The following MYO3A variants were observed in gnomAD, a reference collection of about 807,000 sequenced individuals.
MYO3A encodes the protein myosin IIIA, also known as myosin-IIIa.
A neutral mutation model predicts 192.7 loss-of-function variants in MYO3A; 180 were observed. The observed-to-expected ratio is 0.93, with a 90% CI of 0.83 to 1.06. MYO3A has a LOEUF of 1.06. Ranked by LOEUF, MYO3A falls within the 50% of genes least tolerant of loss-of-function variation. The pLI, the probability that MYO3A is intolerant of heterozygous loss-of-function variation, is 0.00. For missense variants in MYO3A, 1,896 were observed against 1,905.0 expected (o/e 1.00, Z 0.09); for synonymous variants, 628 against 645.3 (o/e 0.97, Z 0.41).
intron 10 of MYO3A, among the ~76,000 whole-genome samples, chr10:26,056,443 C>T (rs551104187): frequency 3.3e-5 from 5 of 152,232 alleles, no homozygotes; most frequent in Admixed American, 1.3e-4. Context: ...CCAAAGTTAA[C>T]GTCAAATACT....
At chr10:26,150,416 AAGTT>A (rs1840728948) in intron 23 of MYO3A, among the ~76,000 whole-genome samples, 1 of 152,160 alleles carries the variant, frequency 6.6e-6, no homozygotes, top group Admixed American at 6.5e-5. Context: ...ATTTCTTCCT[AAGTT>A]GCTTTGTAGA....
chr10:26,103,502 G>A (rs1295740971), intron 17 of MYO3A, among the ~76,000 whole-genome samples: 3 of 152,130 alleles, frequency 2.0e-5, no homozygotes, highest in African/African-American at 7.2e-5. Flanking sequence ...TTCCTATTCG[G>A]CCATCTTGGA....
intron 4 of MYO3A, among the ~76,000 whole-genome samples, chr10:25,983,341 C>T (rs556738119): frequency 1.4e-4 from 22 of 151,836 alleles, no homozygotes; most frequent in African/African-American, 3.9e-4. Context: ...CTGCAAGCTC[C>T]GCCTCCCGGG....
At chr10:26,111,876 C>A (rs1478706352) in intron 17 of MYO3A, among the ~76,000 whole-genome samples, 1 of 152,168 alleles carries the variant, frequency 6.6e-6, no homozygotes, top group Non-Finnish European at 1.5e-5. Flanking sequence ...CTGCTTGTGA[C>A]CAGGGGCTGG....
At chr10:26,209,199 C>T (rs1844110092) in intron 34 of MYO3A, among the ~76,000 whole-genome samples, 1 of 152,138 alleles carries the variant, frequency 6.6e-6, no homozygotes, top group Non-Finnish European at 1.5e-5. Context: ...ACCTTTCCAC[C>T]CTCCTAGCTA....
chr10:26,061,981 A>G (rs1041889521), intron 10 of MYO3A, among the ~76,000 whole-genome samples: 2 of 152,202 alleles, frequency 1.3e-5, no homozygotes, highest in Admixed American at 6.5e-5. Flanking sequence ...AGTAAATGAG[A>G]TGATACTTGT....
intron 4 of MYO3A, among the ~76,000 whole-genome samples, chr10:25,969,571 A>C (rs1276937663): frequency 6.6e-6 from 1 of 152,232 alleles, no homozygotes; most frequent in Non-Finnish European, 1.5e-5. Context: ...GTAAAAAATA[A>C]AATGAAGTAT....
At chr10:26,084,837 A>T (rs1256273285) in intron 14 of MYO3A, among the ~76,000 whole-genome samples, 1 of 152,220 alleles carries the variant, frequency 6.6e-6, no homozygotes, top group Non-Finnish European at 1.5e-5. Context: ...TTTAAGAAGT[A>T]TTGGTATTGA....
chr10:26,140,430 T>A (rs1840082454), intron 20 of MYO3A, among the ~76,000 whole-genome samples: 1 of 152,148 alleles, frequency 6.6e-6, no homozygotes, highest in Non-Finnish European at 1.5e-5. Flanking sequence ...ACGCCTGTAA[T>A]CCCAGCACTT....
chr10:26,024,911 T>A (rs182961013), intron 9 of MYO3A, among the ~76,000 whole-genome samples: 57 of 152,338 alleles, frequency 3.7e-4, no homozygotes, highest in African/African-American at 1.1e-3. Flanking sequence ...TGTTTTGACA[T>A]CTTTCTCTAT....
chr10:25,984,966 G>A (rs1018207140), intron 4 of MYO3A, among the ~76,000 whole-genome samples: 4 of 152,142 alleles, frequency 2.6e-5, no homozygotes, highest in Non-Finnish European at 4.4e-5. Flanking sequence ...GGCCGGGCTT[G>A]CTGGCTCATT....
At chr10:26,169,302 T>C (rs1271143820) in intron 28 of MYO3A, among the ~76,000 whole-genome samples, 1 of 152,196 alleles carries the variant, frequency 6.6e-6, no homozygotes, top group Non-Finnish European at 1.5e-5. Flanking sequence ...TGTAGAGAAA[T>C]AATATTTATA....
At chr10:26,145,367 T>C in intron 21 of MYO3A, 79 bp from the exon 22 acceptor site, 1 of 1,016,746 alleles carries the variant, frequency 9.8e-7, no homozygotes, top group Admixed American at 1.8e-5. Context: ...ACATTGTCCT[T>C]TTTATGGTAA....
intron 4 of MYO3A, among the ~76,000 whole-genome samples, chr10:25,959,492 C>T (rs925590036): frequency 6.6e-6 from 1 of 152,186 alleles, no homozygotes; most frequent in East Asian, 1.9e-4. Flanking sequence ...TCTACACTGC[C>T]TCATTTAGTA....
At chr10:26,198,731 A>G (rs1037689621) in intron 32 of MYO3A, among the ~76,000 whole-genome samples, 3 of 152,148 alleles carry the variant, frequency 2.0e-5, no homozygotes, top group African/African-American at 4.8e-5. Flanking sequence ...AGGTTCTTCA[A>G]AGTCTTCAGA....
At chr10:26,030,970 G>A (rs1223100492) in intron 10 of MYO3A, among the ~76,000 whole-genome samples, 1 of 152,066 alleles carries the variant, frequency 6.6e-6, no homozygotes, top group East Asian at 1.9e-4. Context: ...CTCAAAAAAC[G>A]GGAAAGCATT....
intron 17 of MYO3A, among the ~76,000 whole-genome samples, chr10:26,102,249 A>G (rs748393046): frequency 1.3e-5 from 2 of 152,192 alleles, no homozygotes; most frequent in Non-Finnish European, 2.9e-5. Context: ...CAGCTCCATC[A>G]GATCGTTTAA....
intron 4 of MYO3A, among the ~76,000 whole-genome samples, chr10:25,974,623 G>A (rs1189526358): frequency 1.3e-5 from 2 of 152,184 alleles, no homozygotes; most frequent in African/African-American, 4.8e-5. Flanking sequence ...GGGGATGTTT[G>A]AGGGAGAGGA....
chr10:26,001,467 T>C (rs1430084774), intron 6 of MYO3A, among the ~76,000 whole-genome samples: 1 of 152,164 alleles, frequency 6.6e-6, no homozygotes, highest in Non-Finnish European at 1.5e-5. Flanking sequence ...ACTCAGAGTG[T>C]TCTCAGCTCT....
Sources: allele counts gnomAD v4.1 joint callset (sites outside exome capture counted in the v4.1 genomes callset), GRCh38; gene constraint gnomAD v4.1.1; transcripts MANE v1.5; gene names NCBI Gene and HGNC (gene_info 2026-07-23, HGNC 2026-07-21).